SHISA9: variants seen among roughly 807,000 people sequenced by gnomAD.
SHISA9 encodes protein shisa-9.
In SHISA9, 13 loss-of-function variants were observed where a neutral mutation model predicts 38.0. The ratio of observed to expected loss-of-function variants is 0.34; its 90% confidence interval spans 0.22 to 0.54. The LOEUF is 0.54. Among genes scored for constraint, SHISA9 ranks in the 20% least tolerant of loss-of-function variants. SHISA9 has a pLI of 0.91. For missense variants in SHISA9, 538 were observed against 575.8 expected (o/e 0.93, Z 0.67); for synonymous variants, 275 against 242.0 (o/e 1.14, Z -1.27).
chr16:12,970,494 TATA>T lies in SHISA9; in HGVS notation c.691+53680_691+53682del, dbSNP rs1370552399. Among the ~76,000 whole-genome samples the T allele has an allele frequency of 9.7e-3, 265 of 27,344 alleles. 23 individuals carry two copies. Among genetic ancestry groups the T allele is most frequent in the Non-Finnish European group, 0.014 (206 of 15,102 alleles). The allele number at this position is 27,344 out of a possible 152,430, so 17.9% of individuals were successfully genotyped here. ...GTATATATATATATATATATATATA[TATA>T]TTTTTTTTTTTTTTTTTTTTTTTTT... On this transcript the variant is annotated intron_variant, in intron 2 of 4. Transcript: ENST00000558583.
At chr16:12,921,420 G>A (rs1417310441) in intron 2 of SHISA9, among the ~76,000 whole-genome samples, 1 of 152,126 alleles carries the variant, frequency 6.6e-6, no homozygotes, top group Non-Finnish European at 1.5e-5. Flanking sequence ...ATTTACCGAG[G>A]CACCTGGGAT....
the SHISA9 span, among the ~76,000 whole-genome samples, chr16:13,266,851 G>A: frequency 6.6e-6 from 1 of 152,132 alleles, no homozygotes; most frequent in Non-Finnish European, 1.5e-5. Flanking sequence ...CGGTGGGGAA[G>A]GCAGGGATTA....
chr16:13,387,671 G>A, the SHISA9 span, among the ~76,000 whole-genome samples: 1 of 152,036 alleles, frequency 6.6e-6, no homozygotes, highest in Non-Finnish European at 1.5e-5. Context: ...TGTATTTTTA[G>A]TAGAGACAAT....
the SHISA9 span, among the ~76,000 whole-genome samples, chr16:13,457,579 C>T: frequency 6.6e-6 from 1 of 151,682 alleles, no homozygotes; most frequent in East Asian, 2.0e-4. Flanking sequence ...ATGCAGACGC[C>T]AGCTTTGTGT....
the SHISA9 span, among the ~76,000 whole-genome samples, chr16:13,367,691 T>G: frequency 1.0e-5 from 1 of 98,596 alleles, no homozygotes. Flanking sequence ...TGTACACGCG[T>G]GTGCGTGCGC....
chr16:13,469,423 AAAAGAAAGAAAG>A, the SHISA9 span, among the ~76,000 whole-genome samples: 4 of 115,878 alleles, frequency 3.5e-5, no homozygotes, highest in Admixed American at 8.1e-5. Context: ...GAAAGAAAGA[AAAAGAAAGAAAG>A]AGAAAGAAAG....
At chr16:12,955,366 C>G (rs538736366) in intron 2 of SHISA9, among the ~76,000 whole-genome samples, 8 of 152,112 alleles carry the variant, frequency 5.3e-5, no homozygotes, top group Non-Finnish European at 1.2e-4. Context: ...AGAGAATAAC[C>G]AGCACATTCA....
At chr16:12,917,975 A>C (rs2071280110) in intron 2 of SHISA9, among the ~76,000 whole-genome samples, 1 of 152,200 alleles carries the variant, frequency 6.6e-6, no homozygotes, top group African/African-American at 2.4e-5. Flanking sequence ...CTGCCTAGTG[A>C]TGATTTTTCA....
At chr16:12,916,878 C>G in intron 2 of SHISA9, 63 bp downstream of exon 2, 1 of 1,510,768 alleles carries the variant, frequency 6.6e-7, no homozygotes, top group South Asian at 1.3e-5. Flanking sequence ...GGTCACATTG[C>G]CAGATTTCGT....
the SHISA9 span, among the ~76,000 whole-genome samples, chr16:13,426,531 G>C: frequency 5.3e-5 from 8 of 152,146 alleles, no homozygotes; most frequent in Admixed American, 6.5e-5. Context: ...ACCTCATAGA[G>C]GGCGCCACAG....
At chr16:13,520,735 G>T in the SHISA9 span, among the ~76,000 whole-genome samples, 1 of 151,776 alleles carries the variant, frequency 6.6e-6, no homozygotes, top group Non-Finnish European at 1.5e-5. Flanking sequence ...GAGGGGAAGG[G>T]GTCTGCGTCC....
At chr16:12,975,239 G>A (rs1244936527) in intron 2 of SHISA9, among the ~76,000 whole-genome samples, 3 of 152,122 alleles carry the variant, frequency 2.0e-5, no homozygotes, top group Admixed American at 6.5e-5. Context: ...TGGGGAGGGC[G>A]TTCAAGAATA....
chr16:13,222,361 T>A (rs180894043), intron 4 of SHISA9, among the ~76,000 whole-genome samples: 1 of 152,328 alleles, frequency 6.6e-6, no homozygotes, highest in Admixed American at 6.5e-5. Context: ...CTTGTTGCAC[T>A]ATGACTCTTA....
chr16:13,376,352 T>A, the SHISA9 span, among the ~76,000 whole-genome samples: 1 of 152,232 alleles, frequency 6.6e-6, no homozygotes, highest in Admixed American at 6.5e-5. Context: ...GGAGCCTGAC[T>A]GATTCTCTGG....
chr16:13,414,558 A>G, the SHISA9 span, among the ~76,000 whole-genome samples: 1 of 152,240 alleles, frequency 6.6e-6, no homozygotes, highest in South Asian at 2.1e-4. Flanking sequence ...GCTATGTCAT[A>G]TAGCTAGGAA....
chr16:13,287,064 A>G, the SHISA9 span, among the ~76,000 whole-genome samples: 1 of 152,208 alleles, frequency 6.6e-6, no homozygotes, highest in Non-Finnish European at 1.5e-5. Context: ...GACACCAAAC[A>G]CTACTTCTAC....
chr16:12,910,332 A>G (rs1005517266), intron 1 of SHISA9: 4 of 269,466 alleles, frequency 1.5e-5, no homozygotes, highest in East Asian at 1.8e-4. Context: ...CATTCATTCG[A>G]TAGGTATTTA....
chr16:13,108,597 G>T (rs999885230), intron 2 of SHISA9, among the ~76,000 whole-genome samples: 11 of 152,088 alleles, frequency 7.2e-5, no homozygotes, highest in African/African-American at 2.7e-4. Flanking sequence ...AAAACCAACC[G>T]TTACCTCAAG....
At chr16:13,303,833 G>C in the SHISA9 span, among the ~76,000 whole-genome samples, 1 of 152,126 alleles carries the variant, frequency 6.6e-6, no homozygotes, top group Non-Finnish European at 1.5e-5. Context: ...AGTGCAGGTA[G>C]AACCCCAAAC....
Sources: allele counts gnomAD v4.1 joint callset (sites outside exome capture counted in the v4.1 genomes callset), GRCh38; gene constraint gnomAD v4.1.1; transcripts MANE v1.5; gene names NCBI Gene and HGNC (gene_info 2026-07-23, HGNC 2026-07-21).